The following PLBD1 variants were observed in gnomAD, a reference collection of about 807,000 sequenced individuals.
PLBD1 encodes the protein lysosomal leucine aminopeptidase.
A neutral mutation model predicts 63.0 loss-of-function variants in PLBD1; 60 were observed. The ratio of observed to expected loss-of-function variants is 0.95; its 90% CI spans 0.77 to 1.18. The LOEUF is 1.18. PLBD1 is among the 50% of genes most tolerant of loss of function. The probability of loss-of-function intolerance (pLI) is 0.00; values close to 1 mark genes in which losing one functional copy is unlikely to be tolerated. For missense variants in PLBD1, 598 were observed against 677.9 expected (o/e 0.88, Z 1.31); for synonymous variants, 262 against 248.0 (o/e 1.06, Z -0.53).
intron 6 of PLBD1, 71 bp from the exon 7 acceptor site, chr12:14,511,782 A>T: frequency 7.1e-7 from 1 of 1,406,666 alleles, no homozygotes; most frequent in Non-Finnish European, 1.0e-6. Flanking sequence ...ATTGACAAAG[A>T]GCTTTACATA....
chr12:14,551,939 A>C (rs893148705), intron 2 of PLBD1, among the ~76,000 whole-genome samples: 52 of 152,364 alleles, frequency 3.4e-4, no homozygotes, highest in Non-Finnish European at 5.9e-4. Context: ...GAAGTTTTAT[A>C]AATCTATGAA....
At chr12:14,536,024 G>A in intron 5 of PLBD1, 1 of 480,224 alleles carries the variant, frequency 2.1e-6, no homozygotes. Flanking sequence ...AGCTGGGCAT[G>A]GTGGCTTACG....
chr12:14,547,612 T>C (rs1945625324), intron 2 of PLBD1, among the ~76,000 whole-genome samples: 1 of 152,212 alleles, frequency 6.6e-6, no homozygotes, highest in Non-Finnish European at 1.5e-5. Flanking sequence ...GTAAAGTCAG[T>C]AAGTTTCCTG....
At chr12:14,517,038 C>T (rs1945342326) in intron 6 of PLBD1, among the ~76,000 whole-genome samples, 1 of 151,610 alleles carries the variant, frequency 6.6e-6, no homozygotes, top group African/African-American at 2.4e-5. Context: ...GACGCCATCT[C>T]AAACAAAAAA....
At chr12:14,549,258 A>G (rs1307740211) in intron 2 of PLBD1, among the ~76,000 whole-genome samples, 1 of 152,254 alleles carries the variant, frequency 6.6e-6, no homozygotes, top group Non-Finnish European at 1.5e-5. Context: ...GTCTATAAAA[A>G]TTAACAAAAT....
Position 14,567,635 on chromosome 12 carries a change from AG to A in PLBD1, c.61del (p.Leu21CysfsTer9). 6.7e-7 allele frequency: 1 copy of A among 1,498,524 alleles called. No homozygotes were observed. Among genetic ancestry groups the A allele is most frequent in the Middle Eastern group, 2.0e-4 (1 of 4,952 alleles). The allele number at this position is 1,498,524 out of a possible 1,614,324, so 92.8% of individuals were successfully genotyped here. On this transcript the variant is annotated frameshift_variant, in exon 1 of 11. Coordinates refer to ENST00000240617, the MANE Select transcript of PLBD1 (RefSeq NM_024829.6). LOFTEE classifies it high-confidence loss of function. ...GLPQPPPLLLLLLLLPLLLVT... is the reference protein window; with the variant it reads ...GLPQPPPLLLXLLLLPLLLVT... ...TAACAACAGCGGCAGCAGCAGCAGC[AG>A]CAGCAGAAGCGGTGGCGGCTGTGGC...
chr12:14,519,112 T>A (rs1012250193), intron 6 of PLBD1, among the ~76,000 whole-genome samples: 5 of 152,190 alleles, frequency 3.3e-5, no homozygotes, highest in Admixed American at 6.5e-5. Flanking sequence ...AGTACAGCAT[T>A]GGTTAAGATG....
intron 1 of PLBD1, among the ~76,000 whole-genome samples, chr12:14,559,806 T>G (rs941656426): frequency 6.6e-6 from 1 of 151,902 alleles, no homozygotes; most frequent in Non-Finnish European, 1.5e-5. Context: ...ACACCAAAAT[T>G]AAATTTATTT....
At chr12:14,542,907 C>A (rs1317220425) in intron 2 of PLBD1, among the ~76,000 whole-genome samples, 3 of 152,058 alleles carry the variant, frequency 2.0e-5, no homozygotes, top group Non-Finnish European at 4.4e-5. Flanking sequence ...ATTAGCCAGG[C>A]GTGGTGGCGG....
intron 1 of PLBD1, among the ~76,000 whole-genome samples, chr12:14,565,883 A>G (rs1034310031): frequency 6.6e-6 from 1 of 152,154 alleles, no homozygotes; most frequent in African/African-American, 2.4e-5. Flanking sequence ...TTCATCTCAG[A>G]AATGTCCTTA....
chr12:14,567,498 A>G (rs967559313), intron 1 of PLBD1, 84 bp downstream of exon 1: 46 of 1,389,300 alleles, frequency 3.3e-5, no homozygotes, highest in African/African-American at 4.6e-5. Flanking sequence ...CTGGACGTCA[A>G]CTCGGCCGGA....
intron 1 of PLBD1, 160 bp from the exon 2 acceptor site, chr12:14,553,572 G>A: frequency 1.5e-6 from 1 of 653,030 alleles, no homozygotes. Flanking sequence ...TTCCAAGTGG[G>A]GAAAAACTGG....
intron 1 of PLBD1, among the ~76,000 whole-genome samples, chr12:14,565,152 A>T (rs1434998229): frequency 6.6e-6 from 1 of 152,208 alleles, no homozygotes; most frequent in Non-Finnish European, 1.5e-5. Context: ...AACCTTTACA[A>T]ATTGAAGAAT....
intron 6 of PLBD1, among the ~76,000 whole-genome samples, chr12:14,513,300 C>G (rs1486736253): frequency 6.6e-6 from 1 of 152,182 alleles, no homozygotes. Context: ...TATCTTTCTT[C>G]AAATTAACTC....
intron 6 of PLBD1, among the ~76,000 whole-genome samples, chr12:14,527,508 C>T (rs1049540705): frequency 2.0e-5 from 3 of 152,124 alleles, no homozygotes; most frequent in Non-Finnish European, 2.9e-5. Context: ...TTCCAGATGA[C>T]TACCGTTATT....
intron 10 of PLBD1, 105 bp from the exon 11 acceptor site, chr12:14,504,059 T>A: frequency 2.6e-6 from 3 of 1,135,620 alleles, no homozygotes; most frequent in Non-Finnish European, 2.5e-6. Flanking sequence ...AATATTAGCT[T>A]TTTTTTTGAG....
rs1442020234 is a variant in PLBD1, at chr12:14,540,848, A to T, written c.474T>A (p.Phe158Leu). 1 of 1,611,610 alleles carries T rather than the reference A, an allele frequency of 6.2e-7. No individual in the cohort carries two copies. Residue 158 changes from phenylalanine to leucine, a missense_variant, in exon 4 of 11, where the codon TTT (phenylalanine) becomes TTA (leucine). Transcript: ENST00000240617. The part of the protein sequence containing the change: ...KNIKEYKTDS[F>L]WRHTGYVMAQ... ...CCATCACATAGCCTGTATGTCTCCA[A>T]AATGAATCAGTCTTGTATTCTTTGA...
chr12:14,533,691 GA>G (rs1945486424), intron 6 of PLBD1, among the ~76,000 whole-genome samples: 4 of 152,192 alleles, frequency 2.6e-5, no homozygotes, highest in Admixed American at 2.0e-4. Flanking sequence ...AATAGAATGT[GA>G]AAGAATCAAA....
intron 2 of PLBD1, among the ~76,000 whole-genome samples, chr12:14,547,927 C>G (rs770650167): frequency 2.0e-5 from 3 of 152,144 alleles, no homozygotes; most frequent in African/African-American, 7.2e-5. Context: ...CTCCTACTCA[C>G]AAGCGTCGTG....
Sources: allele counts gnomAD v4.1 joint callset (sites outside exome capture counted in the v4.1 genomes callset), GRCh38; gene constraint gnomAD v4.1.1; transcripts MANE v1.5; gene names NCBI Gene and HGNC (gene_info 2026-07-23, HGNC 2026-07-21).